RGS12: variants seen among roughly 807,000 people sequenced by gnomAD.
RGS12 encodes the protein regulator of G protein signaling 12.
In RGS12, 66 loss-of-function variants were observed where a neutral mutation model predicts 120.1. That is an observed-to-expected ratio of 0.55 (90% CI 0.45 to 0.67). The LOEUF (loss-of-function observed/expected upper bound fraction) is 0.67, where lower values mean the gene tolerates loss of function less well. Among genes scored for constraint, RGS12 ranks in the 30% least tolerant of loss-of-function variants. RGS12 has a pLI of 0.00. For synonymous variants in RGS12, 827 were observed against 804.7 expected (o/e 1.03, Z -0.47); for missense variants, 1,859 against 1,957.7 (o/e 0.95, Z 0.95).
chr4:3,411,897 C>T (rs1420904965), intron 4 of RGS12, among the ~76,000 whole-genome samples: 1 of 152,252 alleles, frequency 6.6e-6, no homozygotes, highest in Non-Finnish European at 1.5e-5. Flanking sequence ...CGTCTTCTTG[C>T]AGTGCGTGCC....
intron 3 of RGS12, among the ~76,000 whole-genome samples, chr4:3,369,258 C>CTGCG: frequency 6.6e-6 from 1 of 152,238 alleles, no homozygotes; most frequent in African/African-American, 2.4e-5. Context: ...GCTTGAGCTG[C>CTGCG]TGCGCATTCT....
rs570184381 is a variant in RGS12 at position 3,421,045 on chromosome 4, A to T, written c.2838+327A>T. Among the ~76,000 whole-genome samples the T allele has an allele frequency of 1.8e-4, 27 of 152,354 alleles. No homozygotes were observed. In the South Asian group the frequency reaches 5.0e-3, roughly 28 times the overall value. ...TGTAATTTAGTTTTTGTGAACTCCC[A>T]CTAAGAATCAACAGAAGGTGTCGAA... On this transcript the variant is annotated intron_variant, in intron 10 of 17. Coordinates refer to ENST00000336727, the MANE Select transcript of RGS12 (RefSeq NM_001394154.1).
At chr4:3,412,326 C>T (rs1721824174) in intron 4 of RGS12, among the ~76,000 whole-genome samples, 1 of 152,218 alleles carries the variant, frequency 6.6e-6, no homozygotes, top group South Asian at 2.1e-4. Context: ...CCTTGGAAGC[C>T]TCCTGCCAGG....
intron 6 of RGS12, among the ~76,000 whole-genome samples, 196 bp downstream of exon 6, chr4:3,415,040 TG>T (rs1295649478): frequency 2.1e-5 from 2 of 97,412 alleles, no homozygotes; most frequent in Non-Finnish European, 4.4e-5. Context: ...GAGAGGGACG[TG>T]TGAGAGGGCC....
At chr4:3,338,648 CGGG>C (rs1712741965) in intron 2 of RGS12, among the ~76,000 whole-genome samples, 1 of 129,956 alleles carries the variant, frequency 7.7e-6, no homozygotes, top group Non-Finnish European at 1.6e-5. Context: ...CTGTGGTTGG[CGGG>C]CGGGCGGTGT....
At position 3,323,542 on chromosome 4, in the gene RGS12, C is replaced by A. The variant is rs1395631954; in HGVS notation, c.1881+5491C>A. ...TTACTTTTTTCTAAAACAAATTTCT[C>A]ATGTACATAGTTATATATCAATTTT... On this transcript the variant is annotated intron_variant, in intron 2 of 17. Transcript: ENST00000336727. Among the ~76,000 whole-genome samples, 6 of 152,332 alleles carry A rather than the reference C, an allele frequency of 3.9e-5. No homozygotes were observed. The East Asian group carries it at 1.2e-3, about 29-fold the overall frequency.
the RGS12 span, among the ~76,000 whole-genome samples, chr4:3,287,950 G>C: frequency 6.6e-6 from 1 of 152,176 alleles, no homozygotes. Context: ...CCTTAGCTCT[G>C]TTTGGGGGCA....
At chr4:3,297,988 T>C (rs1723474448) in intron 1 of RGS12, among the ~76,000 whole-genome samples, 2 of 152,272 alleles carry the variant, frequency 1.3e-5, no homozygotes, top group African/African-American at 4.8e-5. Context: ...TATAAAATTT[T>C]AGACAATGAT....
chr4:3,413,863 G>T (rs558951366), intron 4 of RGS12: 3 of 556,096 alleles, frequency 5.4e-6, no homozygotes, highest in Admixed American at 6.2e-5. Flanking sequence ...GCCGCTCAAG[G>T]TTGGGGTCTG....
intron 13 of RGS12, among the ~76,000 whole-genome samples, chr4:3,424,172 G>A (rs1272311137): frequency 6.6e-6 from 1 of 152,270 alleles, no homozygotes; most frequent in African/African-American, 2.4e-5. Flanking sequence ...GCAGGTGCTG[G>A]GCAGGCCACG....
intron 2 of RGS12, among the ~76,000 whole-genome samples, chr4:3,339,089 C>T (rs887948742): frequency 6.6e-6 from 1 of 152,160 alleles, no homozygotes; most frequent in Non-Finnish European, 1.5e-5. Flanking sequence ...CTCCAAAGTG[C>T]ACAGTGCATC....
chr4:3,365,467 A>G lies in RGS12; in HGVS notation c.1999-20949A>G, dbSNP rs142174504. On this transcript the variant is annotated intron_variant, in intron 3 of 17. Transcript: ENST00000336727. This position sits in a 1 kb window ranked among gnomAD's most constrained non-coding sequence, Gnocchi z 4.0. The stretch of plus-strand genomic sequence containing the variant: ...GTCCCCAGTGAGTTGCCTTGATTCC[A>G]TCTTGAGGCCTGTACTGTGATCTTG... Among the ~76,000 whole-genome samples, 112 of 152,158 alleles carry G rather than the reference A, an allele frequency of 7.4e-4. No homozygotes were observed. Among genetic ancestry groups the G allele is most frequent in the African/African-American group, 2.6e-3 (109 of 41,528 alleles).
intron 4 of RGS12, among the ~76,000 whole-genome samples, chr4:3,392,407 T>C (rs2108998584): frequency 6.6e-6 from 1 of 152,348 alleles, no homozygotes; most frequent in East Asian, 1.9e-4. Flanking sequence ...TTTGAGACTC[T>C]AATTATGCAA....
chr4:3,417,253 C>T, intron 8 of RGS12, 135 bp from the exon 9 acceptor site: 1 of 1,297,272 alleles, frequency 7.7e-7, no homozygotes, highest in South Asian at 1.5e-5. Flanking sequence ...CCTGTCAGGG[C>T]CACACCATGA....
rs375409886 is a variant in RGS12, at chr4:3,430,623, G to C, written c.3782G>C (p.Trp1261Ser). The C allele has an allele frequency of 2.5e-6, 4 of 1,609,956 alleles. No homozygotes were observed. Among genetic ancestry groups the C allele is most frequent in the East Asian group, 4.5e-5 (2 of 44,784 alleles). The change falls in exon 17 of 18, where the codon TGG becomes TCG. Residue 1261 changes from tryptophan to serine, a missense_variant. Trp to Ser is a radical substitution (Grantham distance 177). Transcript: ENST00000336727. Reference sequence around the variant, plus strand: ...AGCGCCTCCCAGCCTGGCGAGCAGTGGGAGCCAGTCCAGGAGAGCAGCGAC... The same window carrying C: ...AGCGCCTCCCAGCCTGGCGAGCAGTCGGAGCCAGTCCAGGAGAGCAGCGAC... The part of the protein sequence containing the change: ...RESASQPGEQ[W>S]EPVQESSDSP...
intron 1 of RGS12, among the ~76,000 whole-genome samples, chr4:3,296,939 G>T (rs1723414735): frequency 6.6e-6 from 1 of 152,226 alleles, no homozygotes; most frequent in Non-Finnish European, 1.5e-5. Flanking sequence ...ACTCCACACA[G>T]TGCTCATGCA....
At chr4:3,388,580 C>A (rs996420859) in intron 4 of RGS12, among the ~76,000 whole-genome samples, 5 of 152,134 alleles carry the variant, frequency 3.3e-5, no homozygotes, top group African/African-American at 1.2e-4. Flanking sequence ...GGCTCCCACC[C>A]ACCCCCCAGC....
chr4:3,346,969 C>T (rs1245075968), intron 3 of RGS12, among the ~76,000 whole-genome samples: 1 of 151,528 alleles, frequency 6.6e-6, no homozygotes, highest in Non-Finnish European at 1.5e-5. Flanking sequence ...TCAGTTGTAT[C>T]CTGCTACAAA....
At chr4:3,371,901 C>G (rs76889699) in intron 3 of RGS12, among the ~76,000 whole-genome samples, 1 of 152,128 alleles carries the variant, frequency 6.6e-6, no homozygotes, top group African/African-American at 2.4e-5. Flanking sequence ...AGGATGCCCC[C>G]GCCTTTCTAG....
Sources: allele counts gnomAD v4.1 joint callset (sites outside exome capture counted in the v4.1 genomes callset), GRCh38; gene constraint gnomAD v4.1.1; non-coding constraint Gnocchi (gnomAD v3.1); transcripts MANE v1.5; gene names NCBI Gene and HGNC (gene_info 2026-07-23, HGNC 2026-07-21).